ASTN2: variants seen among roughly 807,000 people sequenced by gnomAD.
The protein encoded by ASTN2 is astrotactin 2, also known as astrotactin-2.
A neutral mutation model predicts 139.8 loss-of-function variants in ASTN2; 54 were observed. The observed-to-expected ratio is 0.39, with a 90% CI of 0.31 to 0.48. The LOEUF (loss-of-function observed/expected upper bound fraction) is 0.48. Ranked by LOEUF, ASTN2 falls within the 20% of genes least tolerant of loss-of-function variation. ASTN2 has a pLI of 0.95. For synonymous variants in ASTN2, 756 were observed against 719.5 expected, an observed-to-expected ratio of 1.05 and a Z score of -0.81; for missense variants, 1,565 against 1,725.1, an observed-to-expected ratio of 0.91 and a Z score of 1.64.
At chr9:116,729,952 C>T (rs1183353920) in intron 14 of ASTN2, among the ~76,000 whole-genome samples, 5 of 152,080 alleles carry the variant, frequency 3.3e-5, no homozygotes, top group Non-Finnish European at 5.9e-5. Context: ...CTGGTGTAAA[C>T]AAGAAATAAA....
At chr9:117,101,733 T>G (rs1476864586) in intron 4 of ASTN2, among the ~76,000 whole-genome samples, 1 of 152,226 alleles carries the variant, frequency 6.6e-6, no homozygotes, top group Non-Finnish European at 1.5e-5. Flanking sequence ...AGAGCCCAAA[T>G]TTGAATCTGA....
intron 4 of ASTN2, among the ~76,000 whole-genome samples, chr9:117,124,694 AT>A (rs1397201593): frequency 6.6e-6 from 1 of 151,904 alleles, no homozygotes; most frequent in Non-Finnish European, 1.5e-5. Flanking sequence ...GTTATTTGAT[AT>A]AGCATTAGAT....
At chr9:116,493,745 T>G (rs1331136234) in intron 19 of ASTN2, among the ~76,000 whole-genome samples, 5 of 151,808 alleles carry the variant, frequency 3.3e-5, no homozygotes, top group Non-Finnish European at 7.4e-5. Context: ...GAAAACAGGT[T>G]GGGAGAAAAG....
chr9:117,215,236 G>A (rs1425709107), intron 2 of ASTN2, among the ~76,000 whole-genome samples: 2 of 152,128 alleles, frequency 1.3e-5, no homozygotes, highest in East Asian at 3.9e-4. Flanking sequence ...AAGATCATGA[G>A]ACAGTAGTAG....
Position 116,698,205 on chromosome 9 carries a change from C to G in ASTN2, c.2806+27566G>C. The G allele has an allele frequency of 6.2e-7, 1 of 1,614,120 alleles. No homozygotes were observed. Among genetic ancestry groups the G allele is most frequent in the Non-Finnish European group, 8.5e-7 (1 of 1,180,042 alleles). ...TCGGGACTTTGGAGAGAAGTTAACTCGTCTGCGGGAACTTATGGGGGAGCT... is the reference window on the plus strand; with the variant it reads ...TCGGGACTTTGGAGAGAAGTTAACTGGTCTGCGGGAACTTATGGGGGAGCT... On this transcript the variant is annotated intron_variant, in intron 16 of 22. Coordinates refer to ENST00000313400, the MANE Select transcript of ASTN2 (RefSeq NM_001365068.1). This position sits in a 1 kb window ranked among gnomAD's most constrained non-coding sequence, Gnocchi z 4.4.
At chr9:116,685,771 G>C (rs185274826) in intron 16 of ASTN2, among the ~76,000 whole-genome samples, 1 of 152,026 alleles carries the variant, frequency 6.6e-6, no homozygotes, top group Admixed American at 6.5e-5. Context: ...TGTTTTAAGG[G>C]AGAAGAGAGA....
At chr9:116,582,393 G>C (rs1422526962) in intron 19 of ASTN2, 3 of 152,154 alleles carry the variant, frequency 2.0e-5, no homozygotes, top group African/African-American at 7.2e-5. Context: ...AATAATGATG[G>C]TCAAATTTAC....
intron 1 of ASTN2, among the ~76,000 whole-genome samples, chr9:117,362,169 T>G (rs1829710361): frequency 6.6e-6 from 1 of 152,156 alleles, no homozygotes; most frequent in Admixed American, 6.5e-5. Flanking sequence ...AGACGGGGTT[T>G]TGCCATGTTG....
chr9:117,414,650 C>T lies in ASTN2; in HGVS notation c.289G>A (p.Gly97Arg), dbSNP rs770011710. The T allele has an allele frequency of 7.3e-6, 10 of 1,360,666 alleles. No homozygotes were observed. The highest frequency in any genetic ancestry group is 1.5e-5 in the African/African-American group (1 of 65,312). 84.3% of individuals were successfully genotyped at this position (1,360,666 alleles called of 1,614,324 possible). The change falls in exon 1 of 23, where the codon GGA becomes AGA. Residue 97 changes from glycine to arginine, a missense_variant. Around this residue, in one of 4 missense-constraint regions of ASTN2, gnomAD observed 596 missense variants for 576.8 expected, o/e 1.03. Transcript: ENST00000313400. This position sits in a 1 kb window ranked among gnomAD's most constrained non-coding sequence, Gnocchi z 4.2. ...GGGGACGCGGCGGCGGCGGCGGCTC[C>T]GGCCCCGGTCCCAGCCCCGGCCCCG... ...RAGAGAGTGA[G>R]AAAAAASPGS...
intron 19 of ASTN2, among the ~76,000 whole-genome samples, chr9:116,519,787 G>C (rs2119226767): frequency 6.6e-6 from 1 of 152,036 alleles, no homozygotes; most frequent in South Asian, 2.1e-4. Flanking sequence ...GAAGAGAGAA[G>C]ATCCAAATAA....
intron 10 of ASTN2, among the ~76,000 whole-genome samples, chr9:116,935,595 G>A (rs1292209046): frequency 6.6e-6 from 1 of 152,174 alleles, no homozygotes; most frequent in Non-Finnish European, 1.5e-5. Flanking sequence ...AAGACTTCCA[G>A]TCACACAGTC....
intron 22 of ASTN2, among the ~76,000 whole-genome samples, chr9:116,429,324 A>C (rs1054698242): frequency 2.3e-5 from 3 of 132,818 alleles, no homozygotes; most frequent in Non-Finnish European, 4.6e-5. Flanking sequence ...GGGCAACAAT[A>C]GCGAAACTCT....
chr9:117,352,664 T>C (rs1349480009), intron 1 of ASTN2, among the ~76,000 whole-genome samples: 2 of 152,162 alleles, frequency 1.3e-5, no homozygotes, highest in Non-Finnish European at 2.9e-5. Flanking sequence ...AATTCTAGAA[T>C]TTAAGGATTA....
intron 2 of ASTN2, among the ~76,000 whole-genome samples, chr9:117,281,648 G>A (rs1279991391): frequency 6.6e-6 from 1 of 152,046 alleles, no homozygotes; most frequent in Non-Finnish European, 1.5e-5. Flanking sequence ...CAGGAGGCTG[G>A]GGCAGAGGAA....
At chr9:117,231,041 T>TTA (rs1250795772) in intron 2 of ASTN2, among the ~76,000 whole-genome samples, 1 of 152,166 alleles carries the variant, frequency 6.6e-6, no homozygotes, top group African/African-American at 2.4e-5. Context: ...GCAGGAGACC[T>TTA]TATCATCAGG....
chr9:117,311,808 A>G (rs1359361434), intron 1 of ASTN2, among the ~76,000 whole-genome samples: 1 of 152,176 alleles, frequency 6.6e-6, no homozygotes, highest in African/African-American at 2.4e-5. Context: ...CCCACAGTAG[A>G]TGCTCATGAA....
chr9:116,446,845 T>C (rs1296920685), intron 20 of ASTN2, among the ~76,000 whole-genome samples: 1 of 152,180 alleles, frequency 6.6e-6, no homozygotes, highest in Non-Finnish European at 1.5e-5. Flanking sequence ...ATTGGGAGGT[T>C]GAAATCCAAA....
chr9:117,400,606 C>T (rs1313718295), intron 1 of ASTN2, among the ~76,000 whole-genome samples: 2 of 152,190 alleles, frequency 1.3e-5, no homozygotes, highest in Non-Finnish European at 2.9e-5. Context: ...TAAATTAGTG[C>T]AAGACTGGGC....
intron 19 of ASTN2, among the ~76,000 whole-genome samples, chr9:116,558,396 AGAAAAAAGT>A (rs1279840105): frequency 1.3e-5 from 2 of 152,066 alleles, no homozygotes; most frequent in Non-Finnish European, 2.9e-5. Context: ...GAAGAGAAAA[AGAAAAAAGT>A]GATTTGCTTA....
Sources: allele counts gnomAD v4.1 joint callset (sites outside exome capture counted in the v4.1 genomes callset), GRCh38; gene constraint gnomAD v4.1.1; regional missense constraint gnomAD v4.1.1; non-coding constraint Gnocchi (gnomAD v3.1); transcripts MANE v1.5; gene names NCBI Gene and HGNC (gene_info 2026-07-23, HGNC 2026-07-21).